The following SLC22A23 variants were observed in gnomAD, a reference collection of about 807,000 sequenced individuals.
SLC22A23 encodes the protein solute carrier family 22 member 23, also known as ion transporter protein.
SLC22A23 carries 26 observed loss-of-function variants against 61.0 expected under a neutral mutation model. That is an observed-to-expected ratio of 0.43 (90% CI 0.31 to 0.59). The LOEUF (loss-of-function observed/expected upper bound fraction) is 0.59. Among genes scored for constraint, SLC22A23 ranks in the 20% least tolerant of loss-of-function variants. The pLI is 0.11. For missense variants in SLC22A23, 796 were observed against 934.7 expected (o/e 0.85, Z 1.94); for synonymous variants, 430 against 413.9 (o/e 1.04, Z -0.47).
chr6:3,444,587 G>A (rs1391762121), intron 1 of SLC22A23, among the ~76,000 whole-genome samples: 1 of 152,214 alleles, frequency 6.6e-6, no homozygotes, highest in Non-Finnish European at 1.5e-5. Flanking sequence ...AGAACTCCAG[G>A]AGGCAGTGAA....
intron 9 of SLC22A23, among the ~76,000 whole-genome samples, chr6:3,279,107 T>C (rs1027335456): frequency 6.6e-5 from 10 of 151,458 alleles, no homozygotes; most frequent in Admixed American, 2.6e-4. Context: ...GAAAAATGTC[T>C]ATGTATATGT....
chr6:3,321,394 G>A (rs1292486073), intron 4 of SLC22A23, among the ~76,000 whole-genome samples: 1 of 150,798 alleles, frequency 6.6e-6, no homozygotes, highest in Non-Finnish European at 1.5e-5. Flanking sequence ...ATGCACACAC[G>A]TACACATACA....
rs9501988 is a variant in SLC22A23, at chr6:3,330,302, A to T, written c.914-6300T>A. On this transcript the variant is annotated intron_variant, in intron 3 of 9. Transcript: ENST00000406686. The surrounding 1 kb of genome is among the most constrained non-coding windows in gnomAD (Gnocchi z 4.7). The stretch of plus-strand genomic sequence containing the variant: ...ATGCTGCCTGCCTCGCTGGGCTTCC[A>T]CCAACCTGGTTCAGGCTTGGCCCTA... Among the ~76,000 whole-genome samples, 37,795 of 152,094 alleles carry T rather than the reference A, an allele frequency of 0.25. 6,046 individuals carry two copies. Among genetic ancestry groups the T allele is most frequent in the African/African-American group, 0.45 (18,542 of 41,454 alleles).
chr6:3,396,893 C>A (rs1306852033), intron 3 of SLC22A23, among the ~76,000 whole-genome samples: 2 of 149,220 alleles, frequency 1.3e-5, no homozygotes, highest in Non-Finnish European at 3.0e-5. Flanking sequence ...TCTTCTGGTA[C>A]ACCAAGGCAA....
chr6:3,393,164 T>C lies in SLC22A23; in HGVS notation c.913+17024A>G, dbSNP rs537989504. 8.7e-4 allele frequency among the ~76,000 whole-genome samples: 133 copies of C among 152,172 alleles called. 1 individual carries two copies. Among genetic ancestry groups the C allele is most frequent in the Non-Finnish European group, 1.4e-3 (97 of 68,016 alleles). ...AGCCTGGAGGCTGTGGGTTATCTTATCAAGGGAATTCCACCTGAGCAGCGG... is the reference window on the plus strand; with the variant it reads ...AGCCTGGAGGCTGTGGGTTATCTTACCAAGGGAATTCCACCTGAGCAGCGG... On this transcript the variant is annotated intron_variant, in intron 3 of 9. Coordinates refer to ENST00000406686, the MANE Select transcript of SLC22A23 (RefSeq NM_015482.2).
In SLC22A23 at chr6:3,415,765, AT is replaced by A; in HGVS notation, c.744del (p.Cys249AlafsTer20). The A allele has an allele frequency of 1.3e-6, 2 of 1,551,584 alleles. No individual in the cohort carries two copies. Among genetic ancestry groups the A allele is most frequent in the Non-Finnish European group, 1.7e-6 (2 of 1,146,706 alleles). ...VGLIFGYLITGCIADWVGRRP... is the reference protein window; with the variant it reads ...VGLIFGYLITXCIADWVGRRP... Reference sequence around the variant, plus strand: ...GTTGGTACTCACCAGTCAGCAATGCATCCAGTTATTAGGTAGCCAAAGATTA... The same window carrying A: ...GTTGGTACTCACCAGTCAGCAATGCACCAGTTATTAGGTAGCCAAAGATTA... On this transcript the variant is annotated frameshift_variant, in exon 2 of 10. Transcript: ENST00000406686. LOFTEE classifies it high-confidence loss of function.
At position 3,379,233 on chromosome 6, in the gene SLC22A23, A is replaced by C. The variant is rs149740762; in HGVS notation, c.913+30955T>G. ...TCTAAAATGTCCTTCTCCTCCACCA[A>C]GGGGACTTCGGCTTCCCCCAATAAA... On this transcript the variant is annotated intron_variant, in intron 3 of 9. Transcript: ENST00000406686. Among the ~76,000 whole-genome samples the C allele has an allele frequency of 4.8e-3, 724 of 152,268 alleles. 5 individuals are homozygous for C. The highest frequency in any genetic ancestry group is 0.01 in the Admixed American group (155 of 15,296).
chr6:3,347,277 C>CG (rs921676905), intron 3 of SLC22A23, among the ~76,000 whole-genome samples: 1 of 152,062 alleles, frequency 6.6e-6, no homozygotes, highest in African/African-American at 2.4e-5. Flanking sequence ...ATCTGTCCCC[C>CG]CAACTGGACC....
Position 3,318,697 on chromosome 6 carries a change from T to C in SLC22A23, c.1082+5137A>G, listed in dbSNP as rs1232165453. Among the ~76,000 whole-genome samples the C allele has an allele frequency of 6.6e-6, 1 of 152,070 alleles. No individual in the cohort carries two copies. The highest frequency in any genetic ancestry group is 1.5e-5 in the Non-Finnish European group (1 of 68,010). On this transcript the variant is annotated intron_variant, in intron 4 of 9. Coordinates refer to ENST00000406686, the MANE Select transcript of SLC22A23 (RefSeq NM_015482.2). This position sits in a 1 kb window ranked among gnomAD's most constrained non-coding sequence, Gnocchi z 4.3. Reference sequence around the variant, plus strand: ...TGACCTCACTATACCTGGATAATAATAAAACCCACATCTTAACACAGGCTG... The same window carrying C: ...TGACCTCACTATACCTGGATAATAACAAAACCCACATCTTAACACAGGCTG...
At chr6:3,334,179 G>T (rs2127413357) in intron 3 of SLC22A23, among the ~76,000 whole-genome samples, 2 of 152,222 alleles carry the variant, frequency 1.3e-5, no homozygotes, top group Middle Eastern at 3.4e-3. Flanking sequence ...TTTTATTTTT[G>T]AGATGGAGTT....
intron 1 of SLC22A23, among the ~76,000 whole-genome samples, chr6:3,453,366 T>G (rs1321827629): frequency 6.6e-6 from 1 of 152,224 alleles, no homozygotes; most frequent in East Asian, 1.9e-4. Flanking sequence ...ACTAGCTGCC[T>G]TGTTAACAAA....
At chr6:3,361,825 C>A (rs6922506) in intron 3 of SLC22A23, among the ~76,000 whole-genome samples, 100,702 of 151,740 alleles carry the variant, frequency 0.66, 34,053 homozygotes, top group East Asian at 0.84. Flanking sequence ...GGACACCTGT[C>A]AAGCGGGAAA....
At chr6:3,326,535 G>C (rs559742448) in intron 3 of SLC22A23, among the ~76,000 whole-genome samples, 1 of 152,176 alleles carries the variant, frequency 6.6e-6, no homozygotes, top group South Asian at 2.1e-4. Flanking sequence ...GTGGGAGCTG[G>C]AGAAGTGGAA....
intron 3 of SLC22A23, among the ~76,000 whole-genome samples, chr6:3,363,984 T>C (rs928715234): frequency 6.6e-6 from 1 of 152,050 alleles, no homozygotes; most frequent in African/African-American, 2.4e-5. Flanking sequence ...CCCCAAACGG[T>C]ACTGACTTTA....
intron 1 of SLC22A23, among the ~76,000 whole-genome samples, chr6:3,417,666 T>C (rs1303120122): frequency 6.6e-6 from 1 of 152,224 alleles, no homozygotes; most frequent in African/African-American, 2.4e-5. Flanking sequence ...CACAGCAGTG[T>C]GGTTCGGCAA....
At chr6:3,365,861 A>G (rs1345018282) in intron 3 of SLC22A23, among the ~76,000 whole-genome samples, 2 of 152,172 alleles carry the variant, frequency 1.3e-5, no homozygotes, top group African/African-American at 2.4e-5. Context: ...AGAAAACTTT[A>G]TCTTCTGGCC....
rs899434429 is a variant in SLC22A23 at position 3,286,217 on chromosome 6, G to C, written c.1546+642C>G. 6.6e-6 allele frequency among the ~76,000 whole-genome samples: 1 copy of C among 151,826 alleles called. No homozygotes were observed. Among genetic ancestry groups the C allele is most frequent in the Non-Finnish European group, 1.5e-5 (1 of 68,028 alleles). The stretch of plus-strand genomic sequence containing the variant: ...AAGTTCAAGTGATTCTTCTGCCTCA[G>C]CCTCCTGAGTAGCTGGGACTACAGG... On this transcript the variant is annotated intron_variant, in intron 7 of 9. Coordinates refer to ENST00000406686, the MANE Select transcript of SLC22A23 (RefSeq NM_015482.2). This position sits in a 1 kb window ranked among gnomAD's most constrained non-coding sequence, Gnocchi z 4.2.
At chr6:3,392,853 C>T (rs887125666) in intron 3 of SLC22A23, among the ~76,000 whole-genome samples, 22 of 152,122 alleles carry the variant, frequency 1.4e-4, no homozygotes, top group African/African-American at 2.2e-4. Flanking sequence ...GTAGGGTATA[C>T]GATTTTGGAA....
chr6:3,279,327 A>G (rs1481864267), intron 9 of SLC22A23, among the ~76,000 whole-genome samples: 1 of 151,616 alleles, frequency 6.6e-6, no homozygotes, highest in Non-Finnish European at 1.5e-5. Context: ...TGTGGCCAAC[A>G]TGGTGAAACC....
Sources: allele counts gnomAD v4.1 joint callset (sites outside exome capture counted in the v4.1 genomes callset), GRCh38; gene constraint gnomAD v4.1.1; non-coding constraint Gnocchi (gnomAD v3.1); transcripts MANE v1.5; gene names NCBI Gene and HGNC (gene_info 2026-07-23, HGNC 2026-07-21).